FRAS1: variants seen among roughly 807,000 people sequenced by gnomAD.
The protein encoded by FRAS1 is extracellular matrix organizing protein FRAS1.
A neutral mutation model predicts 435.2 loss-of-function variants in FRAS1; 290 were observed. That is an observed-to-expected ratio of 0.67 (90% CI 0.61 to 0.73). FRAS1 has a LOEUF of 0.73. Among genes scored for constraint, FRAS1 ranks in the 30% least tolerant of loss-of-function variants. The pLI is 0.00. For missense variants in FRAS1, 4,860 were observed against 5,001.5 expected, an observed-to-expected ratio of 0.97 and a Z score of 0.85; for synonymous variants, 1,800 against 1,851.0, an observed-to-expected ratio of 0.97 and a Z score of 0.71.
intron 31 of FRAS1, 65 bp from the exon 32 acceptor site, chr4:78,412,904 C>A: frequency 1.1e-6 from 1 of 918,492 alleles, no homozygotes; most frequent in Non-Finnish European, 1.6e-6. Context: ...GAGGGAAAAA[C>A]CCACGTACTA....
chr4:78,430,486 A>T, intron 37 of FRAS1, 69 bp downstream of exon 37: 1 of 1,527,578 alleles, frequency 6.5e-7, no homozygotes, highest in Non-Finnish European at 8.9e-7. Flanking sequence ...ATCAGTTGTT[A>T]TGTGTCTCAG....
chr4:78,359,161 C>T (rs1170509612), intron 20 of FRAS1, among the ~76,000 whole-genome samples: 7 of 152,198 alleles, frequency 4.6e-5, no homozygotes, highest in African/African-American at 1.7e-4. Context: ...CTGCTCAGCC[C>T]TTCTGTGTAG....
intron 2 of FRAS1, among the ~76,000 whole-genome samples, chr4:78,206,417 A>C (rs764187693): frequency 3.9e-5 from 6 of 152,206 alleles, no homozygotes; most frequent in Non-Finnish European, 8.8e-5. Context: ...ACTTTAGCCC[A>C]GCTAAACCAA....
intron 20 of FRAS1, among the ~76,000 whole-genome samples, chr4:78,356,310 C>A (rs1730854876): frequency 6.6e-6 from 1 of 152,074 alleles, no homozygotes; most frequent in South Asian, 2.1e-4. Context: ...CCTTCAAATT[C>A]TCCATGATTT....
chr4:78,343,073 A>G (rs1343058089), intron 20 of FRAS1, among the ~76,000 whole-genome samples: 1 of 152,186 alleles, frequency 6.6e-6, no homozygotes, highest in African/African-American at 2.4e-5. Context: ...GCATGCAACA[A>G]AAACAAAAAC....
At chr4:78,065,872 C>A (rs1740010195) in intron 1 of FRAS1, 113 bp from the exon 2 acceptor site, 1 of 761,016 alleles carries the variant, frequency 1.3e-6, no homozygotes, top group Non-Finnish European at 2.2e-6. Context: ...GGAAGAAGCT[C>A]ATTTTCCTGG....
At position 78,058,101 on chromosome 4, in the gene FRAS1, C is replaced by A. The variant is rs762995298; in HGVS notation, c.76+16C>A. On this transcript the variant is annotated intron_variant, in intron 1 of 73. Transcript: ENST00000512123. ...CATTCCGAAGGTGAGAGAGCGGTGC[C>A]GCGTGTGTGTGTGTGTGTGCGTGTG... The A allele has an allele frequency of 9.7e-6, 15 of 1,553,824 alleles. No individual in the cohort carries two copies. In the African/African-American group the frequency reaches 2.1e-4, roughly 22 times the overall value.
Position 78,333,182 on chromosome 4 carries a change from G to A in FRAS1, c.2138-90G>A, listed in dbSNP as rs189929639. On this transcript the variant is annotated intron_variant, in intron 18 of 73. Transcript: ENST00000512123. ...CAAGTGAATGTACAGAACATACTCT[G>A]ACCCAGGAATGTTAATGGGAGAGAT... 1.5e-5 allele frequency: 22 copies of A among 1,442,822 alleles called. No individual in the cohort carries two copies. In the Admixed American group the frequency reaches 4.2e-4, roughly 28 times the overall value. 89.4% of individuals were successfully genotyped at this position (1,442,822 alleles called of 1,614,324 possible).
chr4:78,508,543 T>C (rs568229245), intron 62 of FRAS1, among the ~76,000 whole-genome samples, 188 bp from the exon 63 acceptor site: 1 of 152,284 alleles, frequency 6.6e-6, no homozygotes, highest in Admixed American at 6.5e-5. Context: ...TAGAAGAATC[T>C]TCTCCACCAC....
intron 2 of FRAS1, among the ~76,000 whole-genome samples, chr4:78,087,624 A>G (rs1487336949): frequency 6.6e-6 from 1 of 152,180 alleles, no homozygotes; most frequent in Non-Finnish European, 1.5e-5. Flanking sequence ...ATTCTTATAC[A>G]CCAATAACAG....
chr4:78,539,983 A>G (rs1721999057), intron 73 of FRAS1, among the ~76,000 whole-genome samples: 1 of 152,228 alleles, frequency 6.6e-6, no homozygotes, highest in African/African-American at 2.4e-5. Flanking sequence ...AAGCATTTTA[A>G]TGGAGGAAGA....
At chr4:78,462,832 T>C (rs949818056) in intron 47 of FRAS1, among the ~76,000 whole-genome samples, 10 of 152,224 alleles carry the variant, frequency 6.6e-5, no homozygotes, top group Non-Finnish European at 2.9e-5. Context: ...CTCTTGTATC[T>C]GGGTGACAAA....
intron 34 of FRAS1, 127 bp from the exon 35 acceptor site, chr4:78,424,261 T>C: frequency 2.1e-6 from 1 of 474,922 alleles, no homozygotes; most frequent in Admixed American, 4.2e-5. Context: ...GATCTTTCCT[T>C]AAAAAAGAAT....
chr4:78,104,027 C>T (rs1021540589), intron 2 of FRAS1, among the ~76,000 whole-genome samples: 1 of 152,134 alleles, frequency 6.6e-6, no homozygotes, highest in Non-Finnish European at 1.5e-5. Context: ...AAAAAGTAGC[C>T]TCCTGCATGC....
intron 14 of FRAS1, among the ~76,000 whole-genome samples, chr4:78,290,846 C>T (rs1300102740): frequency 1.1e-4 from 16 of 145,424 alleles, no homozygotes; most frequent in Admixed American, 7.0e-4. Flanking sequence ...GCTCTTGTCA[C>T]GATCTTGGCT....
In FRAS1 at chr4:78,441,316, C is replaced by G; in HGVS notation, c.5665+19C>G. The stretch of plus-strand genomic sequence containing the variant: ...GGAACAGGTACTACTTCCTGTAAAA[C>G]TGTTAAGGACCTTGAGAGAAGGGAG... On this transcript the variant is annotated intron_variant, in intron 41 of 73. Coordinates refer to ENST00000512123, the MANE Select transcript of FRAS1 (RefSeq NM_025074.7). 1 of 1,603,734 alleles carries G rather than the reference C, an allele frequency of 6.2e-7. No individual in the cohort carries two copies. The highest frequency in any genetic ancestry group is 8.5e-7 in the Non-Finnish European group (1 of 1,174,816).
In FRAS1 at chr4:78,515,893, G is replaced by T. The variant is rs34806279; in HGVS notation, c.10269G>T (p.Pro3423=). The change falls in exon 66 of 74, where the codon CCG becomes CCT. Residue 3423 remains proline, a synonymous_variant. Coordinates refer to ENST00000512123, the MANE Select transcript of FRAS1 (RefSeq NM_025074.7). The part of the protein sequence containing the change: ...PFQFDPSVRE[P]KTIQLYKHLN... ...AGTTTGACCCCAGCGTGCGAGAGCC[G>T]AAGACCATCCAGCTCTACAAACACC... The T allele has an allele frequency of 1.8e-3, 2,926 of 1,613,940 alleles. 51 individuals are homozygous for T. The African/African-American group carries it at 0.034, about 19-fold the overall frequency.
intron 2 of FRAS1, among the ~76,000 whole-genome samples, chr4:78,085,058 T>G (rs1397768341): frequency 6.6e-6 from 1 of 152,136 alleles, no homozygotes; most frequent in Non-Finnish European, 1.5e-5. Flanking sequence ...TTGAATCTAT[T>G]AATATAATTA....
intron 20 of FRAS1, among the ~76,000 whole-genome samples, chr4:78,358,878 A>G (rs1209816441): frequency 1.3e-5 from 2 of 152,226 alleles, no homozygotes; most frequent in South Asian, 2.1e-4. Context: ...CCCTAATGAC[A>G]TGTGGGAATG....
Sources: allele counts gnomAD v4.1 joint callset (sites outside exome capture counted in the v4.1 genomes callset), GRCh38; gene constraint gnomAD v4.1.1; transcripts MANE v1.5; gene names NCBI Gene and HGNC (gene_info 2026-07-23, HGNC 2026-07-21).